CSMD1: variants seen among roughly 807,000 people sequenced by gnomAD.
CSMD1 encodes CUB and Sushi multiple domains 1.
A neutral mutation model predicts 417.5 loss-of-function variants in CSMD1; 213 were observed. The observed-to-expected ratio is 0.51, with a 90% CI of 0.46 to 0.57. The LOEUF is 0.57. CSMD1 is among the 20% of genes least tolerant of loss of function. The pLI is 0.00. For missense variants in CSMD1, 6,923 were observed against 4,529.7 expected, an observed-to-expected ratio of 1.53 and a Z score of -15.17; for synonymous variants, 2,862 against 1,736.8, an observed-to-expected ratio of 1.65 and a Z score of -16.11.
At chr8:3,482,701 C>T (rs1157218407) in intron 11 of CSMD1, among the ~76,000 whole-genome samples, 1 of 152,110 alleles carries the variant, frequency 6.6e-6, no homozygotes, top group African/African-American at 2.4e-5. Flanking sequence ...CTATGAAAAG[C>T]TGACAAAAGA....
intron 6 of CSMD1, among the ~76,000 whole-genome samples, chr8:3,710,140 A>G (rs1180561325): frequency 6.6e-6 from 1 of 151,808 alleles, no homozygotes; most frequent in Non-Finnish European, 1.5e-5. Flanking sequence ...TTTTCCTGAT[A>G]TTTTTAGGCT....
chr8:4,315,887 G>A (rs1798896389), intron 3 of CSMD1, among the ~76,000 whole-genome samples: 1 of 151,992 alleles, frequency 6.6e-6, no homozygotes, highest in African/African-American at 2.4e-5. Flanking sequence ...TTTAAAAACA[G>A]GTTTTATAAA....
intron 5 of CSMD1, among the ~76,000 whole-genome samples, chr8:3,808,257 T>C (rs1585029452): frequency 6.6e-6 from 1 of 152,224 alleles, no homozygotes; most frequent in East Asian, 1.9e-4. Context: ...AGTAGTCACA[T>C]TTACTAAGGA....
intron 47 of CSMD1, among the ~76,000 whole-genome samples, chr8:3,093,764 C>A (rs1194344334): frequency 6.6e-6 from 1 of 152,006 alleles, no homozygotes; most frequent in African/African-American, 2.4e-5. Context: ...GAACAAAAAA[C>A]CACAAACCAA....
chr8:4,737,613 C>A (rs1810330961), intron 1 of CSMD1, among the ~76,000 whole-genome samples: 1 of 152,090 alleles, frequency 6.6e-6, no homozygotes, highest in Admixed American at 6.6e-5. Flanking sequence ...TATACTAGCA[C>A]TATATTTTAC....
rs146769129 is a variant in CSMD1, at chr8:4,428,254, C to A, written c.303-8189G>T. Reference sequence around the variant, plus strand: ...AAACACAAGACAACTAGGAGACTATCAACTTGATACAAGGAAAATCAGGAC... The same window carrying A: ...AAACACAAGACAACTAGGAGACTATAAACTTGATACAAGGAAAATCAGGAC... On this transcript the variant is annotated intron_variant, in intron 2 of 69. Transcript: ENST00000635120. Among the ~76,000 whole-genome samples, 9 of 152,278 alleles carry A rather than the reference C, an allele frequency of 5.9e-5. No homozygotes were observed. The East Asian group carries it at 1.4e-3, about 23-fold the overall frequency.
intron 17 of CSMD1, among the ~76,000 whole-genome samples, chr8:3,394,039 T>A (rs1811534532): frequency 9.1e-6 from 1 of 109,382 alleles, no homozygotes; most frequent in South Asian, 2.7e-4. Context: ...TATATATATA[T>A]ATATATATAT....
intron 5 of CSMD1, among the ~76,000 whole-genome samples, chr8:3,802,331 TTATGTTATACATCTGTA>T (rs1800501748): frequency 6.6e-6 from 1 of 152,190 alleles, no homozygotes; most frequent in Non-Finnish European, 1.5e-5. Flanking sequence ...GTAATTCCTA[TTATGTTATACATCTGTA>T]TATGTGTGCA....
intron 3 of CSMD1, among the ~76,000 whole-genome samples, chr8:4,252,714 A>G (rs1469115065): frequency 6.6e-6 from 1 of 152,236 alleles, no homozygotes; most frequent in Non-Finnish European, 1.5e-5. Context: ...CATTGGTTGT[A>G]TTGGTTGTAC....
In CSMD1 at chr8:3,018,668, A is replaced by C. The variant is rs1479101334; in HGVS notation, c.7856-18T>G. On this transcript the variant is annotated intron_variant, in intron 51 of 69. Transcript: ENST00000635120. ...CGAGATAACTAGAAGGAAAAACAAT[A>C]AAATGAACATCAATTCAGTTATGCA... The C allele has an allele frequency of 1.9e-6, 3 of 1,604,640 alleles. No homozygotes were observed. Among genetic ancestry groups the C allele is most frequent in the African/African-American group, 2.7e-5 (2 of 73,508 alleles).
chr8:3,995,113 G>C (rs565356529), intron 5 of CSMD1, among the ~76,000 whole-genome samples: 1 of 152,088 alleles, frequency 6.6e-6, no homozygotes. Flanking sequence ...TGTCACTGTA[G>C]AATTACTGTA....
chr8:3,880,609 T>C (rs1806142741), intron 5 of CSMD1, among the ~76,000 whole-genome samples: 1 of 152,344 alleles, frequency 6.6e-6, no homozygotes, highest in African/African-American at 2.4e-5. Flanking sequence ...TATTTTTGGA[T>C]TCTCCATTTT....
chr8:3,922,393 A>G (rs971486465), intron 5 of CSMD1, among the ~76,000 whole-genome samples: 4 of 152,070 alleles, frequency 2.6e-5, no homozygotes, highest in African/African-American at 9.7e-5. Context: ...ATTAATAGGT[A>G]AGAACTTACT....
At chr8:4,934,359 T>G (rs564288493) in intron 1 of CSMD1, among the ~76,000 whole-genome samples, 1 of 152,220 alleles carries the variant, frequency 6.6e-6, no homozygotes, top group Non-Finnish European at 1.5e-5. Context: ...ATTATTTGTA[T>G]AGATATGAAA....
At chr8:4,780,559 A>C (rs1485762349) in intron 1 of CSMD1, among the ~76,000 whole-genome samples, 4 of 151,226 alleles carry the variant, frequency 2.6e-5, no homozygotes, top group Non-Finnish European at 4.4e-5. Flanking sequence ...TATTGTAATT[A>C]TTATTATTTA....
At chr8:4,248,200 C>T (rs750767660) in intron 3 of CSMD1, among the ~76,000 whole-genome samples, 2 of 152,082 alleles carry the variant, frequency 1.3e-5, no homozygotes, top group Admixed American at 6.5e-5. Context: ...CATGACATGA[C>T]ATGACATGCC....
At chr8:4,681,724 G>A (rs1373863424) in intron 1 of CSMD1, among the ~76,000 whole-genome samples, 1 of 152,084 alleles carries the variant, frequency 6.6e-6, no homozygotes, top group Non-Finnish European at 1.5e-5. Flanking sequence ...TAACAAAAAA[G>A]AAGCCTAGAC....
intron 26 of CSMD1, among the ~76,000 whole-genome samples, chr8:3,237,360 G>C (rs1042323979): frequency 6.6e-6 from 1 of 151,624 alleles, no homozygotes. Context: ...TCAGCTACTC[G>C]GGAGGCTGAG....
chr8:3,906,295 A>G (rs1053084453), intron 5 of CSMD1, among the ~76,000 whole-genome samples: 3 of 41,568 alleles, frequency 7.2e-5, no homozygotes, highest in Admixed American at 9.3e-4. Context: ...GTCATAGGGA[A>G]AAAAAAAACC....
Sources: allele counts gnomAD v4.1 joint callset (sites outside exome capture counted in the v4.1 genomes callset), GRCh38; gene constraint gnomAD v4.1.1; transcripts MANE v1.5; gene names NCBI Gene and HGNC (gene_info 2026-07-23, HGNC 2026-07-21).